Variants in ANKRD45 observed in about 807,000 individuals in gnomAD.
ANKRD45 encodes ankyrin repeat domain-containing protein 45.
In ANKRD45, 21 loss-of-function variants were observed where a neutral mutation model predicts 28.1. The ratio of observed to expected loss-of-function variants is 0.75; its 90% confidence interval spans 0.53 to 1.08. The LOEUF (loss-of-function observed/expected upper bound fraction) is 1.08, where lower values mean the gene tolerates loss of function less well. Ranked by LOEUF, ANKRD45 falls within the 50% of genes least tolerant of loss-of-function variation. ANKRD45 has a pLI of 0.00. For missense variants in ANKRD45, 261 were observed against 308.7 expected (o/e 0.85, Z 1.16); for synonymous variants, 86 against 103.9 (o/e 0.83, Z 1.05).
At chr1:173,701,032 AG>A in the ANKRD45 span, among the ~76,000 whole-genome samples, 1 of 152,276 alleles carries the variant, frequency 6.6e-6, no homozygotes, top group African/African-American at 2.4e-5. Flanking sequence ...ACTTTTCAAA[AG>A]AAGACATTTC....
chr1:173,711,451 T>G, the ANKRD45 span, among the ~76,000 whole-genome samples: 1 of 152,236 alleles, frequency 6.6e-6, no homozygotes, highest in African/African-American at 2.4e-5. Flanking sequence ...CATAGGTAGA[T>G]AAGAGACAAA....
the ANKRD45 span, among the ~76,000 whole-genome samples, chr1:173,680,216 T>G: frequency 8.5e-5 from 13 of 152,256 alleles, no homozygotes; most frequent in African/African-American, 2.9e-4. Flanking sequence ...TATAAATCAT[T>G]CTACTATAAA....
chr1:173,684,929 A>G, the ANKRD45 span, among the ~76,000 whole-genome samples: 1 of 152,210 alleles, frequency 6.6e-6, no homozygotes, highest in Non-Finnish European at 1.5e-5. Flanking sequence ...TATTGACTTG[A>G]ATCCTGCAGC....
At chr1:173,623,811 G>A (rs1667807924) in intron 5 of ANKRD45, among the ~76,000 whole-genome samples, 2 of 152,098 alleles carry the variant, frequency 1.3e-5, no homozygotes. Context: ...CCATTTAAAA[G>A]ACATGGATGG....
intron 3 of ANKRD45, among the ~76,000 whole-genome samples, chr1:173,633,224 A>G (rs997395718): frequency 6.6e-6 from 1 of 152,048 alleles, no homozygotes; most frequent in African/African-American, 2.4e-5. Flanking sequence ...AAAAAAAATC[A>G]AGAAAGTAAC....
the ANKRD45 span, among the ~76,000 whole-genome samples, chr1:173,691,101 CG>C: frequency 6.6e-6 from 1 of 152,230 alleles, no homozygotes; most frequent in Admixed American, 6.5e-5. Flanking sequence ...CCACCCCCCA[CG>C]GCTTTCTTAC....
rs1475411199 is a variant in ANKRD45 at position 173,613,570 on chromosome 1, C to CG, written c.731-3356_731-3355insC. 1.6e-4 allele frequency among the ~76,000 whole-genome samples: 24 copies of CG among 148,886 alleles called. 5 individuals carry two copies. Among genetic ancestry groups the CG allele is most frequent in the African/African-American group, 5.7e-4 (23 of 40,016 alleles). Reference sequence around the variant, plus strand: ...AGGGAGGTGGGGGGTCAGCCCCCCCCCCGGCCAGCCGCCCCGTCCGGGAGG... The same window carrying CG: ...AGGGAGGTGGGGGGTCAGCCCCCCCCGCCGGCCAGCCGCCCCGTCCGGGAGG... On this transcript the variant is annotated intron_variant, in intron 5 of 5. Coordinates refer to ENST00000333279, the MANE Select transcript of ANKRD45 (RefSeq NM_198493.3).
intron 5 of ANKRD45, chr1:173,612,781 C>G (rs920664772): frequency 6.4e-6 from 1 of 155,302 alleles, no homozygotes; most frequent in Admixed American, 6.5e-5. Flanking sequence ...TTGGTGGAGA[C>G]GGGGTTTCGC....
chr1:173,654,680 C>T (rs1380254482), intron 2 of ANKRD45, among the ~76,000 whole-genome samples: 1 of 152,166 alleles, frequency 6.6e-6, no homozygotes, highest in Non-Finnish European at 1.5e-5. Context: ...TGGATAATAT[C>T]CTGAAGAGTG....
At chr1:173,681,391 G>A in the ANKRD45 span, among the ~76,000 whole-genome samples, 23 of 152,210 alleles carry the variant, frequency 1.5e-4, no homozygotes, top group East Asian at 4.0e-3. Context: ...CTGAAGTTAT[G>A]TAACTTAAAG....
intron 5 of ANKRD45, 38 bp downstream of exon 5, chr1:173,624,749 C>T: frequency 6.3e-7 from 1 of 1,578,930 alleles, no homozygotes; most frequent in Non-Finnish European, 8.6e-7. Context: ...AATTTTCATC[C>T]CTTCTGACAT....
In ANKRD45 at chr1:173,659,321, G is replaced by A; in HGVS notation, c.98C>T (p.Thr33Ile). Reference sequence around the variant, plus strand: ...TTGTAAAAGGGGGTTCTTAGGGCCTGTTTCCTCTGGTTCTTGGGCTTCTTC... The same window carrying A: ...TTGTAAAAGGGGGTTCTTAGGGCCTATTTCCTCTGGTTCTTGGGCTTCTTC... ...EEEEAQEPEE[T>I]GPKNPLLQPA... The change falls in exon 2 of 6, where the codon ACA becomes ATA. Residue 33 changes from threonine (T) to isoleucine (I), a missense_variant. Physicochemically the swap from Thr to Ile is moderately conservative, Grantham distance 89. Coordinates refer to ENST00000333279, the MANE Select transcript of ANKRD45 (RefSeq NM_198493.3). 1 of 1,613,250 alleles carries A rather than the reference G, an allele frequency of 6.2e-7. No individual in the cohort carries two copies. Among genetic ancestry groups the A allele is most frequent in the Non-Finnish European group, 8.5e-7 (1 of 1,179,620 alleles).
chr1:173,612,593 C>G (rs940794974), intron 5 of ANKRD45: 1 of 152,686 alleles, frequency 6.5e-6, no homozygotes, highest in Admixed American at 6.5e-5. Flanking sequence ...CTCCCTCTCC[C>G]CACGGTCTCC....
In ANKRD45 at chr1:173,610,024, G is replaced by T; in HGVS notation, c.*121C>A. 2 of 1,002,076 alleles carry T rather than the reference G, an allele frequency of 2.0e-6. No individual in the cohort carries two copies. Among genetic ancestry groups the T allele is most frequent in the South Asian group, 1.5e-5 (1 of 67,392 alleles). The allele number at this position is 1,002,076 out of a possible 1,614,324, so 62.1% of individuals were successfully genotyped here. ...TGAACAGGTCAAACAAAACAAGGGC[G>T]ATGTAATGTTGTACTTAAATACTTA... On this transcript the variant is annotated 3_prime_UTR_variant, in exon 6 of 6. Transcript: ENST00000333279.
chr1:173,635,037 A>G (rs1668364321), intron 3 of ANKRD45, among the ~76,000 whole-genome samples: 2 of 152,068 alleles, frequency 1.3e-5, no homozygotes, highest in Non-Finnish European at 1.5e-5. Context: ...TTCAGAAGAA[A>G]TGTTAGAGGT....
At chr1:173,638,225 T>A (rs1668540965) in intron 3 of ANKRD45, among the ~76,000 whole-genome samples, 1 of 151,816 alleles carries the variant, frequency 6.6e-6, no homozygotes. Context: ...GGAAAGAGAA[T>A]CGGCGAGACA....
intron 2 of ANKRD45, among the ~76,000 whole-genome samples, chr1:173,654,979 T>A (rs983777468): frequency 1.3e-5 from 2 of 152,210 alleles, no homozygotes; most frequent in African/African-American, 2.4e-5. Context: ...ACACTGTTTA[T>A]TCTAGTTAGC....
At chr1:173,688,745 CTCTT>C in the ANKRD45 span, among the ~76,000 whole-genome samples, 2 of 126,792 alleles carry the variant, frequency 1.6e-5, no homozygotes, top group East Asian at 4.0e-4. Context: ...TTTCCTCTCT[CTCTT>C]TCTGCCTCTT....
chr1:173,617,675 C>G (rs552673801), intron 5 of ANKRD45, among the ~76,000 whole-genome samples: 1 of 152,342 alleles, frequency 6.6e-6, no homozygotes, highest in East Asian at 1.9e-4. Flanking sequence ...GATGTCTCTG[C>G]GGTTCAGTCA....
Sources: gnomAD v4.1 joint callset for allele counts (sites outside exome capture counted in the v4.1 genomes callset) on GRCh38, gnomAD v4.1.1 for gene constraint, MANE v1.5 for transcripts, NCBI Gene and HGNC (gene_info 2026-07-23, HGNC 2026-07-21) for gene names.